The following DOP1B variants were observed in gnomAD, a reference collection of about 807,000 sequenced individuals.
DOP1B encodes protein DOP1B.
Under a neutral mutation model 233.5 loss-of-function variants are expected in DOP1B, and 174 were observed. The ratio of observed to expected loss-of-function variants is 0.75; its 90% CI spans 0.66 to 0.85. The LOEUF (loss-of-function observed/expected upper bound fraction) is 0.85, where lower values mean the gene tolerates loss of function less well. DOP1B is among the 40% of genes least tolerant of loss of function. The probability of loss-of-function intolerance (pLI) is 0.00; values close to 1 mark genes in which losing one functional copy is unlikely to be tolerated. For missense variants in DOP1B, 2,652 were observed against 2,846.6 expected, an observed-to-expected ratio of 0.93 and a Z score of 1.56; for synonymous variants, 1,190 against 1,185.6, an observed-to-expected ratio of 1.00 and a Z score of -0.08.
At chr21:36,272,653 A>G (rs910024164) in intron 27 of DOP1B, among the ~76,000 whole-genome samples, 4 of 147,216 alleles carry the variant, frequency 2.7e-5, no homozygotes, top group African/African-American at 1.0e-4. Context: ...CCATCTCAAA[A>G]AAAAAAAAAA....
At chr21:36,168,319 A>G (rs965206337) in intron 2 of DOP1B, among the ~76,000 whole-genome samples, 1 of 152,102 alleles carries the variant, frequency 6.6e-6, no homozygotes, top group Non-Finnish European at 1.5e-5. Flanking sequence ...TAGTGTTGCT[A>G]TGAGCATTCA....
chr21:36,274,626 T>C (rs1295948098), intron 27 of DOP1B, among the ~76,000 whole-genome samples: 3 of 151,882 alleles, frequency 2.0e-5, no homozygotes, highest in Non-Finnish European at 4.4e-5. Context: ...GGAGGGCCGC[T>C]GAGAAGCAAA....
At chr21:36,169,413 A>G (rs188819746) in intron 2 of DOP1B, 24 of 938,724 alleles carry the variant, frequency 2.6e-5, no homozygotes, top group Admixed American at 2.4e-4. Context: ...TCAGGATGCC[A>G]TGCCCCAATC....
chr21:36,288,277 C>T, intron 33 of DOP1B, 127 bp downstream of exon 33: 1 of 913,346 alleles, frequency 1.1e-6, no homozygotes, highest in Non-Finnish European at 1.6e-6. Flanking sequence ...AGGTTGGTAG[C>T]ACATGGTTAG....
intron 1 of DOP1B, among the ~76,000 whole-genome samples, chr21:36,163,804 C>T (rs1212932836): frequency 6.6e-6 from 1 of 152,194 alleles, no homozygotes; most frequent in African/African-American, 2.4e-5. Flanking sequence ...CATGTGGTGC[C>T]TTCATCATGC....
intron 16 of DOP1B, among the ~76,000 whole-genome samples, chr21:36,238,098 C>T (rs957799283): frequency 6.6e-6 from 1 of 152,088 alleles, no homozygotes; most frequent in African/African-American, 2.4e-5. Flanking sequence ...ATCTGGGAGG[C>T]GGAGGTTGCG....
intron 15 of DOP1B, among the ~76,000 whole-genome samples, 186 bp from the exon 16 acceptor site, chr21:36,237,076 G>A (rs910632370): frequency 6.6e-6 from 1 of 152,086 alleles, no homozygotes; most frequent in Non-Finnish European, 1.5e-5. Context: ...ATGAGCCACC[G>A]CTCCCAGCCT....
At position 36,245,506 on chromosome 21, in the gene DOP1B, TTAAG is replaced by T. The variant is rs774920731; in HGVS notation, c.3527_3530del (p.Leu1176SerfsTer35). 1 of 1,613,648 alleles carries T rather than the reference TTAAG, an allele frequency of 6.2e-7. No individual in the cohort carries two copies. The highest frequency in any genetic ancestry group is 8.5e-7 in the Non-Finnish European group (1 of 1,180,038). On this transcript the variant is annotated frameshift_variant, in exon 19 of 37. Coordinates refer to ENST00000691173, the MANE Select transcript of DOP1B (RefSeq NM_001320714.2). LOFTEE classifies it high-confidence loss of function. The surrounding 1 kb of genome is among the most constrained non-coding windows in gnomAD (Gnocchi z 5.5). Reference sequence around the variant, plus strand: ...AGAAAGCTTCAAGGCTGGGGCCAAGTTAAGCCTGGTGCGGGTGGACTCGGACAAG... The same window carrying T: ...AGAAAGCTTCAAGGCTGGGGCCAAGTCCTGGTGCGGGTGGACTCGGACAAG...
intron 26 of DOP1B, among the ~76,000 whole-genome samples, chr21:36,269,160 G>A (rs2067260131): frequency 6.6e-6 from 1 of 151,988 alleles, no homozygotes; most frequent in Non-Finnish European, 1.5e-5. Context: ...GGTTGTTTTT[G>A]TTTTTTCTTT....
chr21:36,209,275 C>T lies in DOP1B; in HGVS notation c.681+371C>T, dbSNP rs547450866. Among the ~76,000 whole-genome samples the T allele has an allele frequency of 3.5e-4, 54 of 152,310 alleles. 2 individuals are homozygous for T. Among genetic ancestry groups the T allele is most frequent in the Admixed American group, 3.0e-3 (46 of 15,300 alleles). On this transcript the variant is annotated intron_variant, in intron 5 of 36. Coordinates refer to ENST00000691173, the MANE Select transcript of DOP1B (RefSeq NM_001320714.2). ...TAGCTGGGATTACAGGCACCCACCA[C>T]CATGCCCGGCTAATTTTTGTGTTTT...
At position 36,227,693 on chromosome 21, in the gene DOP1B, A is replaced by G. The variant is rs1246314460; in HGVS notation, c.1481A>G (p.Tyr494Cys). 1 of 1,546,620 alleles carries G rather than the reference A, an allele frequency of 6.5e-7. No homozygotes were observed. Among genetic ancestry groups the G allele is most frequent in the African/African-American group, 1.4e-5 (1 of 72,950 alleles). ...FLLDVIPLELYSEVQTQYLPQ... is the reference protein window; with the variant it reads ...FLLDVIPLELCSEVQTQYLPQ... ...TACACGTTTATTTCACAGGAACTTTACTCTGAGGTGCAAACCCAGTATCTC... is the reference window on the plus strand; with the variant it reads ...TACACGTTTATTTCACAGGAACTTTGCTCTGAGGTGCAAACCCAGTATCTC... The change falls in exon 13 of 37, where the codon TAC (tyrosine) becomes TGC (cysteine). Residue 494 changes from tyrosine (Y) to cysteine (C), a missense_variant. By Grantham distance (194) the Tyr-to-Cys change is radical (BLOSUM62 -2). Around this residue, in one of 3 missense-constraint regions of DOP1B, gnomAD observed 2,617 missense variants for 2,794.3 expected, o/e 0.94. Transcript: ENST00000691173.
intron 32 of DOP1B, among the ~76,000 whole-genome samples, chr21:36,284,110 G>C (rs1048522444): frequency 3.3e-5 from 5 of 150,950 alleles, no homozygotes; most frequent in Non-Finnish European, 5.9e-5. Context: ...ACCACACTCA[G>C]CTAATTTTTT....
intron 2 of DOP1B, among the ~76,000 whole-genome samples, chr21:36,191,255 GAAAA>G (rs10599369): frequency 7.1e-6 from 1 of 141,380 alleles, no homozygotes; most frequent in Non-Finnish European, 1.6e-5. Context: ...AAACAAGTCA[GAAAA>G]AAAAAAAAAC....
At chr21:36,159,302 T>G (rs984859124) in intron 1 of DOP1B, among the ~76,000 whole-genome samples, 10 of 151,576 alleles carry the variant, frequency 6.6e-5, no homozygotes, top group Admixed American at 5.3e-4. Flanking sequence ...AAATACAAAA[T>G]TAGCCGGGCG....
chr21:36,196,202 G>T (rs2835313), intron 2 of DOP1B, among the ~76,000 whole-genome samples: 2 of 152,188 alleles, frequency 1.3e-5, no homozygotes, highest in Non-Finnish European at 1.5e-5. Flanking sequence ...GTTAAAAAGA[G>T]AAAACTCTGC....
At chr21:36,287,964 A>T in intron 32 of DOP1B, 50 bp from the exon 33 acceptor site, 1 of 1,576,708 alleles carries the variant, frequency 6.3e-7, no homozygotes, top group Non-Finnish European at 8.6e-7. Flanking sequence ...TCTGATAAGA[A>T]ACCCTAAACT....
At chr21:36,242,151 C>CATTATTGTTATTATTATTATT (rs60892353) in intron 18 of DOP1B, among the ~76,000 whole-genome samples, 2,613 of 143,962 alleles carry the variant, frequency 0.018, 54 homozygotes, top group East Asian at 0.072. Context: ...GTTCCTTGGG[C>CATTATTGTTATTATTATTATT]ATTATTATTA....
intron 10 of DOP1B, among the ~76,000 whole-genome samples, chr21:36,222,789 G>A (rs188290810): frequency 6.1e-4 from 93 of 151,994 alleles, no homozygotes; most frequent in African/African-American, 2.1e-3. Flanking sequence ...AGGCTGGAGT[G>A]CAGTGGCTCA....
Position 36,227,671 on chromosome 21 carries a change from A to G in DOP1B, c.1474-15A>G, listed in dbSNP as rs748916990. On this transcript the variant is annotated splice_polypyrimidine_tract_variant and intron_variant, in intron 12 of 36. Transcript: ENST00000691173. ...AACCAACATTGTGGGGTTAACCTAC[A>G]CGTTTATTTCACAGGAACTTTACTC... is the stretch of plus-strand genomic sequence containing the variant. 2.7e-6 allele frequency: 4 copies of G among 1,503,104 alleles called. No individual in the cohort carries two copies. The highest frequency in any genetic ancestry group is 1.4e-5 in the African/African-American group (1 of 71,984). The allele number at this position is 1,503,104 out of a possible 1,614,324, so 93.1% of individuals were successfully genotyped here. A position where few individuals can be genotyped will look rare whatever the true frequency, so the allele number is the denominator to read the frequency against.
Sources: allele counts gnomAD v4.1 joint callset (sites outside exome capture counted in the v4.1 genomes callset), GRCh38; gene constraint gnomAD v4.1.1; regional missense constraint gnomAD v4.1.1; non-coding constraint Gnocchi (gnomAD v3.1); transcripts MANE v1.5; gene names NCBI Gene and HGNC (gene_info 2026-07-23, HGNC 2026-07-21).